Variants in COL19A1 observed in about 807,000 individuals in gnomAD.
COL19A1 encodes collagen alpha-1(XIX) chain.
A neutral mutation model predicts 190.2 loss-of-function variants in COL19A1; 159 were observed. The observed-to-expected ratio is 0.84, with a 90% CI of 0.73 to 0.95. The LOEUF (loss-of-function observed/expected upper bound fraction) is 0.95. Ranked by LOEUF, COL19A1 falls within the 40% of genes least tolerant of loss-of-function variation. The probability of loss-of-function intolerance (pLI) is 0.00; values close to 1 mark genes in which losing one functional copy is unlikely to be tolerated. For missense variants in COL19A1, 1,418 were observed against 1,431.9 expected (o/e 0.99, Z 0.16); for synonymous variants, 509 against 458.9 (o/e 1.11, Z -1.39).
At chr6:69,886,245 A>G (rs1293183191) in intron 2 of COL19A1, among the ~76,000 whole-genome samples, 1 of 152,244 alleles carries the variant, frequency 6.6e-6, no homozygotes, top group Non-Finnish European at 1.5e-5. Context: ...AACATTACTA[A>G]TCATAAAGGA....
chr6:70,096,098 T>TG (rs1783248979), intron 15 of COL19A1, among the ~76,000 whole-genome samples: 2 of 151,680 alleles, frequency 1.3e-5, no homozygotes, highest in South Asian at 2.1e-4. Context: ...TTTTTTTTTT[T>TG]TGAGAGAGGG....
At chr6:69,957,534 C>T (rs1196478311) in intron 9 of COL19A1, among the ~76,000 whole-genome samples, 1 of 151,868 alleles carries the variant, frequency 6.6e-6, no homozygotes, top group Non-Finnish European at 1.5e-5. Context: ...GAATACAAGT[C>T]CTTTCATAGA....
intron 23 of COL19A1, among the ~76,000 whole-genome samples, chr6:70,143,074 G>A (rs575877020): frequency 6.6e-5 from 10 of 152,140 alleles, no homozygotes; most frequent in South Asian, 4.1e-4. Flanking sequence ...TAATCAAATT[G>A]TCATTTTGGA....
intron 4 of COL19A1, among the ~76,000 whole-genome samples, chr6:69,905,407 T>C (rs1770483888): frequency 6.6e-6 from 1 of 152,196 alleles, no homozygotes; most frequent in Non-Finnish European, 1.5e-5. Flanking sequence ...TGGACAGCTC[T>C]CCCTTCAGGG....
chr6:69,960,222 A>C (rs1024943665), intron 10 of COL19A1, among the ~76,000 whole-genome samples, 182 bp downstream of exon 10: 3 of 152,212 alleles, frequency 2.0e-5, no homozygotes, highest in Non-Finnish European at 4.4e-5. Flanking sequence ...GGACCATTCT[A>C]GGAGGAAGCT....
Position 70,075,721 on chromosome 6 carries a change from G to T in COL19A1, c.1224+7245G>T, listed in dbSNP as rs1781843263. Among the ~76,000 whole-genome samples the T allele has an allele frequency of 3.3e-5, 5 of 151,980 alleles. 1 individual carries two copies. In the South Asian group the frequency reaches 1.0e-3, roughly 31 times the overall value. ...GTGGTAAATTTCACTCTAACTAGTG[G>T]TCTCTGCAGTGCACTTGAGATAGAA... On this transcript the variant is annotated intron_variant, in intron 15 of 50. Transcript: ENST00000620364.
intron 1 of COL19A1, among the ~76,000 whole-genome samples, chr6:69,871,543 A>T (rs1043848968): frequency 6.6e-6 from 1 of 152,228 alleles, no homozygotes; most frequent in African/African-American, 2.4e-5. Context: ...GTAACAACGT[A>T]TGTAAAGCAA....
chr6:69,897,306 G>C (rs1325402856), intron 2 of COL19A1, among the ~76,000 whole-genome samples: 2 of 152,106 alleles, frequency 1.3e-5, no homozygotes, highest in South Asian at 2.1e-4. Context: ...TTATGTTTGT[G>C]TTTTTCCATA....
intron 9 of COL19A1, among the ~76,000 whole-genome samples, chr6:69,938,995 TC>T (rs1364878471): frequency 1.3e-5 from 2 of 151,914 alleles, no homozygotes; most frequent in Admixed American, 6.6e-5. Flanking sequence ...AATCTATTGC[TC>T]CCCCCGCTTT....
chr6:70,161,879 G>C, intron 34 of COL19A1, 21 bp from the exon 35 acceptor site: 1 of 1,594,134 alleles, frequency 6.3e-7, no homozygotes. Flanking sequence ...CAGATTTTAT[G>C]ATGGGAACTA....
intron 17 of COL19A1, among the ~76,000 whole-genome samples, chr6:70,124,502 A>G (rs983862256): frequency 1.3e-5 from 2 of 151,658 alleles, no homozygotes; most frequent in African/African-American, 4.8e-5. Context: ...GAGCATTTAT[A>G]TTTTAGAGTC....
At chr6:69,910,379 A>G (rs1260865488) in intron 4 of COL19A1, among the ~76,000 whole-genome samples, 1 of 152,224 alleles carries the variant, frequency 6.6e-6, no homozygotes, top group East Asian at 1.9e-4. Flanking sequence ...GTTGAATGAC[A>G]TTAAGGAATT....
chr6:70,206,400 G>C (rs539830253), intron 49 of COL19A1, among the ~76,000 whole-genome samples: 1 of 152,094 alleles, frequency 6.6e-6, no homozygotes, highest in African/African-American at 2.4e-5. Flanking sequence ...ATGCCAAGGC[G>C]GGCAGATCAC....
chr6:69,932,506 C>T (rs1562010860), intron 6 of COL19A1, among the ~76,000 whole-genome samples: 1 of 151,696 alleles, frequency 6.6e-6, no homozygotes, highest in Non-Finnish European at 1.5e-5. Context: ...AAATTAAGTA[C>T]TTCTATTTTA....
intron 11 of COL19A1, among the ~76,000 whole-genome samples, chr6:70,006,960 A>C (rs1464522164): frequency 6.6e-6 from 1 of 152,132 alleles, no homozygotes; most frequent in Non-Finnish European, 1.5e-5. Context: ...ATGAAAAACT[A>C]AAATAGCATG....
At chr6:69,943,209 A>G (rs1582476518) in intron 9 of COL19A1, among the ~76,000 whole-genome samples, 1 of 152,044 alleles carries the variant, frequency 6.6e-6, no homozygotes, top group Admixed American at 6.6e-5. Flanking sequence ...AGAAGTGTCT[A>G]TTCAGATCAT....
chr6:69,944,799 T>A (rs1258623615), intron 9 of COL19A1, among the ~76,000 whole-genome samples: 1 of 152,036 alleles, frequency 6.6e-6, no homozygotes, highest in African/African-American at 2.4e-5. Flanking sequence ...CTGCTTGTAT[T>A]TAATTATCTA....
At chr6:70,050,943 G>C (rs976911415) in intron 14 of COL19A1, among the ~76,000 whole-genome samples, 1 of 151,994 alleles carries the variant, frequency 6.6e-6, no homozygotes, top group African/African-American at 2.4e-5. Flanking sequence ...TGGATGTAAG[G>C]CCAGGAAACC....
chr6:70,191,241 T>C (rs1370119103), intron 48 of COL19A1, among the ~76,000 whole-genome samples: 1 of 152,252 alleles, frequency 6.6e-6, no homozygotes, highest in East Asian at 1.9e-4. Context: ...TTCAGTTAAC[T>C]AACAGCCCTG....
Sources: gnomAD v4.1 joint callset for allele counts (sites outside exome capture counted in the v4.1 genomes callset) on GRCh38, gnomAD v4.1.1 for gene constraint, MANE v1.5 for transcripts, NCBI Gene and HGNC (gene_info 2026-07-23, HGNC 2026-07-21) for gene names.